Variants in SND1 observed in about 807,000 individuals in gnomAD.
SND1 encodes staphylococcal nuclease domain-containing protein 1.
SND1 carries 38 observed loss-of-function variants against 121.7 expected under a neutral mutation model. That is an observed-to-expected ratio of 0.31 (90% CI 0.24 to 0.41). SND1 has a LOEUF of 0.41. Ranked by LOEUF, SND1 falls within the 10% of genes least tolerant of loss-of-function variation. The probability of loss-of-function intolerance (pLI) is 1.00; values close to 1 mark genes in which losing one functional copy is unlikely to be tolerated. For synonymous variants in SND1, 401 were observed against 447.4 expected (o/e 0.90, Z 1.31); for missense variants, 868 against 1,184.6 (o/e 0.73, Z 3.92).
chr7:127,677,758 ATCT>A lies in SND1; in HGVS notation c.79-8850_79-8848del, dbSNP rs370052687. Among the ~76,000 whole-genome samples the A allele has an allele frequency of 5.8e-3, 882 of 152,312 alleles. 14 individuals are homozygous for A. Among genetic ancestry groups the A allele is most frequent in the African/African-American group, 0.02 (837 of 41,560 alleles). ...TTCATACTCTTTTGCATGTTACATA[ATCT>A]TCTTTTGATGTTTTTCCAACCTTTT... On this transcript the variant is annotated intron_variant, in intron 1 of 23. Coordinates refer to ENST00000354725, the MANE Select transcript of SND1 (RefSeq NM_014390.4).
At chr7:127,705,054 C>A in intron 8 of SND1, 109 bp downstream of exon 8, 4 of 885,984 alleles carry the variant, frequency 4.5e-6, no homozygotes, top group Non-Finnish European at 7.4e-6. Context: ...CATTTTACTT[C>A]AGTAAAGGAG....
intron 11 of SND1, among the ~76,000 whole-genome samples, chr7:127,837,934 G>A (rs560750559): frequency 1.2e-4 from 19 of 152,320 alleles, no homozygotes; most frequent in African/African-American, 4.6e-4. Context: ...CCTGGATGGA[G>A]TAATGGTGAG....
chr7:127,888,377 T>C (rs1241882888), intron 13 of SND1, among the ~76,000 whole-genome samples: 1 of 152,144 alleles, frequency 6.6e-6, no homozygotes. Context: ...CTCTGTTTCT[T>C]ACCTCCAAAG....
chr7:127,951,803 G>C (rs1801468762), intron 15 of SND1, among the ~76,000 whole-genome samples: 1 of 152,066 alleles, frequency 6.6e-6, no homozygotes, highest in Admixed American at 6.6e-5. Flanking sequence ...AGTGACCTTA[G>C]GTGTTGTCTT....
chr7:127,923,374 T>G (rs1800759784), intron 14 of SND1, among the ~76,000 whole-genome samples: 2 of 152,218 alleles, frequency 1.3e-5, no homozygotes, highest in South Asian at 4.1e-4. Flanking sequence ...ACTTCATTCC[T>G]GTTAAACTTG....
chr7:127,714,513 CTT>C (rs1273562789), intron 9 of SND1, among the ~76,000 whole-genome samples: 1 of 152,116 alleles, frequency 6.6e-6, no homozygotes, highest in South Asian at 2.1e-4. Flanking sequence ...TATGTAGTAT[CTT>C]AACGATTTTT....
intron 12 of SND1, among the ~76,000 whole-genome samples, chr7:127,881,564 G>A (rs911671334): frequency 6.6e-6 from 1 of 152,114 alleles, no homozygotes; most frequent in African/African-American, 2.4e-5. Context: ...TGTATATGGG[G>A]AAAGTTTTAT....
intron 16 of SND1, among the ~76,000 whole-genome samples, chr7:128,047,550 T>C (rs1187387988): frequency 6.6e-6 from 1 of 152,210 alleles, no homozygotes; most frequent in Non-Finnish European, 1.5e-5. Flanking sequence ...AATAAACACA[T>C]AGAATACAGA....
intron 1 of SND1, chr7:127,679,141 C>T (rs1427037568): frequency 2.6e-5 from 4 of 152,148 alleles, no homozygotes; most frequent in Admixed American, 2.0e-4. Flanking sequence ...GCTTGTATTG[C>T]TTCTGGCCAT....
At chr7:127,922,197 T>TTGTTTTG (rs1800730921) in intron 14 of SND1, among the ~76,000 whole-genome samples, 1 of 135,446 alleles carries the variant, frequency 7.4e-6, no homozygotes. Context: ...TTTTTTTTTT[T>TTGTTTTG]TTTTTTGTTT....
intron 10 of SND1, among the ~76,000 whole-genome samples, chr7:127,727,678 C>T (rs1796605571): frequency 6.6e-6 from 1 of 152,182 alleles, no homozygotes. Flanking sequence ...TATAGCATTT[C>T]ACCAGTCTCC....
Position 128,089,680 on chromosome 7 carries a change from G to C in SND1, c.2610G>C (p.Gln870His), listed in dbSNP as rs771862619. 8 of 1,614,116 alleles carry C rather than the reference G, an allele frequency of 5.0e-6. No individual in the cohort carries two copies. In the East Asian group the frequency reaches 1.1e-4, roughly 22 times the overall value. ...LVMVEVRKEK[Q>H]FQKVITEYLN... ...TGGTGGAGGTGCGCAAGGAGAAACA[G>C]TTCCAGAAAGTGGTATGTGATGTGG... The change falls in exon 22 of 24, where the codon CAG becomes CAC. Residue 870 changes from glutamine (Q) to histidine (H), a missense_variant. Physicochemically the swap from Gln to His is conservative, Grantham distance 24. This residue lies in a region of SND1 where 743 missense variants were observed against 1,071.3 expected (regional missense o/e 0.69). Transcript: ENST00000354725.
chr7:127,911,801 T>C (rs1446277106), intron 14 of SND1, among the ~76,000 whole-genome samples: 1 of 152,136 alleles, frequency 6.6e-6, no homozygotes, highest in Non-Finnish European at 1.5e-5. Flanking sequence ...CATCCGGCCC[T>C]CTTTTTTCTT....
intron 14 of SND1, among the ~76,000 whole-genome samples, chr7:127,913,664 A>T (rs1047382921): frequency 2.6e-5 from 4 of 152,106 alleles, no homozygotes; most frequent in African/African-American, 9.7e-5. Context: ...CAGTTGACAA[A>T]ATTTCAGATT....
intron 1 of SND1, 92 bp from the exon 2 acceptor site, chr7:127,686,521 A>G (rs1795815063): frequency 1.5e-6 from 2 of 1,355,020 alleles, no homozygotes; most frequent in Non-Finnish European, 2.0e-6. Context: ...TGCAAATGCT[A>G]TTTGAAATGT....
Position 128,052,811 on chromosome 7 carries a change from G to T in SND1, c.1780-21691G>T, listed in dbSNP as rs191018421. On this transcript the variant is annotated intron_variant, in intron 16 of 23. Transcript: ENST00000354725. This position sits in a 1 kb window ranked among gnomAD's most constrained non-coding sequence, Gnocchi z 4.6. Reference sequence around the variant, plus strand: ...TTCCCTCGGATTTCAGTGTTACTTCGATGGGTCCCTTGGGGCAGAAAAATT... The same window carrying T: ...TTCCCTCGGATTTCAGTGTTACTTCTATGGGTCCCTTGGGGCAGAAAAATT... Among the ~76,000 whole-genome samples the T allele has an allele frequency of 1.3e-3, 194 of 152,278 alleles. No individual in the cohort carries two copies. Among genetic ancestry groups the T allele is most frequent in the African/African-American group, 4.3e-3 (180 of 41,546 alleles).
chr7:127,790,069 GTT>G (rs1266954807), intron 10 of SND1, among the ~76,000 whole-genome samples: 6 of 152,156 alleles, frequency 3.9e-5, no homozygotes, highest in African/African-American at 1.2e-4. Context: ...CTGGTCTTGG[GTT>G]GTGTTCAAGT....
intron 1 of SND1, among the ~76,000 whole-genome samples, chr7:127,663,279 A>C (rs747857384): frequency 1.3e-5 from 2 of 151,878 alleles, no homozygotes; most frequent in Non-Finnish European, 2.9e-5. Flanking sequence ...TTGTTTTAAA[A>C]TTTTTTTATT....
At chr7:127,927,553 A>C (rs1445008627) in intron 14 of SND1, among the ~76,000 whole-genome samples, 1 of 152,180 alleles carries the variant, frequency 6.6e-6, no homozygotes, top group Non-Finnish European at 1.5e-5. Flanking sequence ...TGTGTTGCTT[A>C]AGTGTTCAAT....
Sources: gnomAD v4.1 joint callset for allele counts (sites outside exome capture counted in the v4.1 genomes callset) on GRCh38, gnomAD v4.1.1 for gene constraint, gnomAD v4.1.1 regional missense constraint, Gnocchi (gnomAD v3.1) non-coding constraint, MANE v1.5 for transcripts, NCBI Gene and HGNC (gene_info 2026-07-23, HGNC 2026-07-21) for gene names.